The following PHKA1 variants were observed in gnomAD, a reference collection of about 807,000 sequenced individuals.
PHKA1 encodes phosphorylase b kinase regulatory subunit alpha, skeletal muscle isoform.
PHKA1 carries 60 observed loss-of-function variants against 110.2 expected under a neutral mutation model. The observed-to-expected ratio is 0.54, with a 90% CI of 0.44 to 0.68. The LOEUF (loss-of-function observed/expected upper bound fraction) is 0.68, where lower values mean the gene tolerates loss of function less well. Among genes scored for constraint, PHKA1 ranks in the 30% least tolerant of loss-of-function variants. The probability of loss-of-function intolerance (pLI) is 0.00; values close to 1 mark genes in which losing one functional copy is unlikely to be tolerated. For synonymous variants in PHKA1, 316 were observed against 333.6 expected (o/e 0.95, Z 0.58); for missense variants, 801 against 942.5 (o/e 0.85, Z 1.97).
chrX:72,688,128 C>T (rs1331102771), intron 4 of PHKA1, among the ~76,000 whole-genome samples: 1 of 111,396 alleles, frequency 9.0e-6, no homozygotes, highest in African/African-American at 3.3e-5. Flanking sequence ...CGCCTGGCCA[C>T]ATCTAAATCT....
chrX:72,584,324 A>G (rs1556208041), intron 29 of PHKA1, 22 bp from the exon 30 acceptor site: 12 of 1,188,576 alleles, frequency 1.0e-5, no homozygotes, highest in South Asian at 3.6e-5. Context: ...AAAAAAAACC[A>G]TATCACCAAA....
chrX:72,696,107 G>A (rs1185887495), intron 3 of PHKA1, among the ~76,000 whole-genome samples: 2 of 111,658 alleles, frequency 1.8e-5, no homozygotes, highest in Non-Finnish European at 3.8e-5. Context: ...ATACCAAATA[G>A]TCAAAAACAG....
At chrX:72,691,453 T>C (rs1370765232) in intron 4 of PHKA1, among the ~76,000 whole-genome samples, 1 of 112,425 alleles carries the variant, frequency 8.9e-6, no homozygotes, top group Non-Finnish European at 1.9e-5. Context: ...CAGTTGATGT[T>C]AAATCTGTAG....
At chrX:72,614,240 AAAT>A (rs1335094537) in intron 21 of PHKA1, among the ~76,000 whole-genome samples, 7 of 111,181 alleles carry the variant, frequency 6.3e-5, no homozygotes, top group African/African-American at 2.3e-4. Flanking sequence ...GTTCAGAAAA[AAAT>A]AATATGCGTG....
At chrX:72,585,191 A>C (rs1258794781) in intron 29 of PHKA1, among the ~76,000 whole-genome samples, 4 of 111,286 alleles carry the variant, frequency 3.6e-5, no homozygotes, top group Admixed American at 9.6e-5. Context: ...TGGTGTTCTA[A>C]GTACAAATGG....
intron 6 of PHKA1, among the ~76,000 whole-genome samples, chrX:72,672,335 C>T (rs1184485374): frequency 9.0e-6 from 1 of 111,663 alleles, no homozygotes; most frequent in African/African-American, 3.3e-5. Flanking sequence ...GGTCTTTCCT[C>T]CATTGTCTTG....
intron 13 of PHKA1, among the ~76,000 whole-genome samples, chrX:72,648,339 G>A (rs1556297780): frequency 2.7e-5 from 3 of 111,509 alleles, no homozygotes; most frequent in Non-Finnish European, 5.7e-5. Flanking sequence ...GTAGGGGTGG[G>A]GAGGGCTGAG....
intron 5 of PHKA1, among the ~76,000 whole-genome samples, chrX:72,681,752 C>G (rs2053881978): frequency 6.2e-5 from 4 of 64,911 alleles, no homozygotes; most frequent in African/African-American, 1.3e-4. Flanking sequence ...GCCAGCCGCC[C>G]CATCTGGGAG....
intron 28 of PHKA1, among the ~76,000 whole-genome samples, chrX:72,595,974 T>C (rs1363011387): frequency 8.9e-6 from 1 of 112,205 alleles, no homozygotes; most frequent in Non-Finnish European, 1.9e-5. Flanking sequence ...AGTCAGAATC[T>C]TGAAGAGATA....
chrX:72,713,246 C>G (rs1488470675), intron 1 of PHKA1, among the ~76,000 whole-genome samples: 4 of 109,599 alleles, frequency 3.6e-5, no homozygotes, highest in African/African-American at 1.3e-4. Context: ...TCACAGCTAC[C>G]TTTTTTTTTG....
intron 28 of PHKA1, among the ~76,000 whole-genome samples, chrX:72,594,006 A>C: frequency 9.0e-6 from 1 of 111,524 alleles, no homozygotes. Context: ...TAATCGAAAT[A>C]AATTAAGGAA....
chrX:72,680,700 G>C (rs2053840181), intron 5 of PHKA1, among the ~76,000 whole-genome samples: 1 of 104,517 alleles, frequency 9.6e-6, no homozygotes, highest in Non-Finnish European at 1.9e-5. Flanking sequence ...ACGCCCGCGG[G>C]CCCCAGCTGC....
chrX:72,691,817 A>G (rs1213441257), intron 4 of PHKA1, among the ~76,000 whole-genome samples: 5 of 111,874 alleles, frequency 4.5e-5, no homozygotes, highest in Non-Finnish European at 7.5e-5. Flanking sequence ...GCAAATGGAG[A>G]TAATTATACT....
chrX:72,650,878 C>T (rs1453101167), intron 12 of PHKA1, among the ~76,000 whole-genome samples: 2 of 111,351 alleles, frequency 1.8e-5, no homozygotes, highest in African/African-American at 3.3e-5. Context: ...TGTGCCACCA[C>T]GCCTGGCTAA....
At chrX:72,660,481 T>C in intron 8 of PHKA1, 1 of 317,629 alleles carries the variant, frequency 3.1e-6, no homozygotes, top group Non-Finnish European at 5.1e-6. Context: ...ATGGCCAAAG[T>C]GATGAGAACA....
Position 72,644,393 on chromosome X carries a change from A to T in PHKA1, c.1428T>A (p.Ala476=), listed in dbSNP as rs1259412573. 1.7e-6 allele frequency: 2 copies of T among 1,208,306 alleles called. No individual in the cohort carries two copies. The highest frequency in any genetic ancestry group is 2.2e-6 in the Non-Finnish European group (2 of 893,977). The change falls in exon 14 of 32, where the codon GCT becomes GCA. Residue 476 remains alanine (A), a synonymous_variant. Transcript: ENST00000373542. ...AEVYPIRVQP[A]RILSHIYSSL... is the part of the protein sequence containing the mutation. ...TGGAATAAATGTGGCTGAGAATACG[A>T]GCTGGTTGTACTCTGATGGGGTATA...
At chrX:72,703,005 T>G (rs1399876099) in intron 3 of PHKA1, among the ~76,000 whole-genome samples, 1 of 111,677 alleles carries the variant, frequency 9.0e-6, no homozygotes, top group Non-Finnish European at 1.9e-5. Flanking sequence ...TCACCCTTTC[T>G]GGATGGAACT....
intron 3 of PHKA1, among the ~76,000 whole-genome samples, chrX:72,697,766 C>T (rs1347795580): frequency 1.8e-5 from 2 of 109,500 alleles, no homozygotes; most frequent in Non-Finnish European, 3.8e-5. Flanking sequence ...GGGTGGATCA[C>T]GAGGTCAGGA....
chrX:72,639,056 A>T (rs1484610419), intron 14 of PHKA1, among the ~76,000 whole-genome samples: 1 of 112,255 alleles, frequency 8.9e-6, no homozygotes, highest in Non-Finnish European at 1.9e-5. Context: ...AGCCCAATAC[A>T]AGCTATTTCA....
Sources: allele counts gnomAD v4.1 joint callset (sites outside exome capture counted in the v4.1 genomes callset), GRCh38; gene constraint gnomAD v4.1.1; transcripts MANE v1.5; gene names NCBI Gene and HGNC (gene_info 2026-07-23, HGNC 2026-07-21).